BTBD10: variants seen among roughly 807,000 people sequenced by gnomAD.
BTBD10 encodes BTB/POZ domain-containing protein 10.
A neutral mutation model predicts 53.2 loss-of-function variants in BTBD10; 21 were observed. The ratio of observed to expected loss-of-function variants is 0.39; its 90% confidence interval spans 0.28 to 0.57. The LOEUF (loss-of-function observed/expected upper bound fraction) is 0.57. Ranked by LOEUF, BTBD10 falls within the 20% of genes least tolerant of loss-of-function variation. The pLI is 0.53. For missense variants in BTBD10, 360 were observed against 594.7 expected (o/e 0.61, Z 4.10); for synonymous variants, 149 against 192.7 (o/e 0.77, Z 1.88).
At chr11:13,404,991 G>A (rs956933567) in intron 7 of BTBD10, among the ~76,000 whole-genome samples, 7 of 151,996 alleles carry the variant, frequency 4.6e-5, no homozygotes, top group African/African-American at 1.7e-4. Context: ...TCAATTCCTT[G>A]AGTCATTCTT....
Position 13,446,457 on chromosome 11 carries a change from C to G in BTBD10, c.-57-1276G>C, listed in dbSNP as rs79757874. ...AACAATTTTACTATAATTTTTTTCT[C>G]ATAGTACCTTCTTTCTAAAAACAGC... On this transcript the variant is annotated intron_variant, in intron 1 of 8. Transcript: ENST00000278174. Among the ~76,000 whole-genome samples the G allele has an allele frequency of 1.3e-4, 20 of 152,138 alleles. No individual in the cohort carries two copies. In the East Asian group the frequency reaches 3.9e-3, roughly 29 times the overall value.
intron 8 of BTBD10, among the ~76,000 whole-genome samples, chr11:13,395,806 C>A (rs1347048566): frequency 6.6e-6 from 1 of 152,140 alleles, no homozygotes; most frequent in East Asian, 1.9e-4. Flanking sequence ...ATCCTTTCGC[C>A]ATTGCTTGTT....
At chr11:13,422,114 G>C (rs556292332) in intron 2 of BTBD10, among the ~76,000 whole-genome samples, 1 of 152,194 alleles carries the variant, frequency 6.6e-6, no homozygotes, top group East Asian at 1.9e-4. Flanking sequence ...AGAAGTTGTA[G>C]TAATAATAGT....
intron 1 of BTBD10, among the ~76,000 whole-genome samples, chr11:13,461,423 C>T (rs1005060865): frequency 6.6e-6 from 1 of 152,178 alleles, no homozygotes; most frequent in Non-Finnish European, 1.5e-5. Flanking sequence ...AGGCATAGTG[C>T]ATTTCCCTCA....
chr11:13,395,073 G>A (rs1427583740), intron 8 of BTBD10, among the ~76,000 whole-genome samples: 1 of 147,036 alleles, frequency 6.8e-6, no homozygotes, highest in Non-Finnish European at 1.5e-5. Flanking sequence ...CGGGATGGCT[G>A]GGTCAAATGG....
chr11:13,415,581 CT>C (rs576713693), intron 5 of BTBD10, among the ~76,000 whole-genome samples: 90 of 145,428 alleles, frequency 6.2e-4, no homozygotes, highest in Admixed American at 1.1e-3. Flanking sequence ...CCTGCCCCTT[CT>C]TTTTTTTTTT....
chr11:13,417,501 G>A (rs1448259909), intron 4 of BTBD10, among the ~76,000 whole-genome samples: 1 of 151,930 alleles, frequency 6.6e-6, no homozygotes. Flanking sequence ...ACAAAATTCA[G>A]AAGCTAAAGA....
At chr11:13,451,113 T>C (rs1325619053) in intron 1 of BTBD10, among the ~76,000 whole-genome samples, 1 of 152,066 alleles carries the variant, frequency 6.6e-6, no homozygotes, top group Non-Finnish European at 1.5e-5. Flanking sequence ...AGGCCCAAAA[T>C]CTGAGCATAA....
At chr11:13,449,917 C>T (rs1950824153) in intron 1 of BTBD10, among the ~76,000 whole-genome samples, 1 of 152,200 alleles carries the variant, frequency 6.6e-6, no homozygotes, top group Admixed American at 6.5e-5. Context: ...CCCTTCCCAG[C>T]ACTTTTACAA....
rs1161097934 is a variant in BTBD10, at chr11:13,459,067, T to A, written c.-58+4025A>T. On this transcript the variant is annotated intron_variant, in intron 1 of 8. Coordinates refer to ENST00000278174, the MANE Select transcript of BTBD10 (RefSeq NM_032320.7). The stretch of plus-strand genomic sequence containing the variant: ...ATTTTTTTATTTATTTATTTTTTTT[T>A]TTTTTTTGAGACGGAGTCTCGCTCT... Among the ~76,000 whole-genome samples the A allele has an allele frequency of 7.0e-4, 105 of 149,534 alleles. No homozygotes were observed. In the East Asian group the frequency reaches 0.013, roughly 19 times the overall value.
intron 4 of BTBD10, among the ~76,000 whole-genome samples, chr11:13,417,506 T>C (rs1431269431): frequency 5.9e-5 from 9 of 152,116 alleles, no homozygotes; most frequent in Admixed American, 6.5e-5. Flanking sequence ...ATTCAGAAGC[T>C]AAAGAGCTTT....
Position 13,388,707 on chromosome 11 carries a change from T to C in BTBD10, c.*124A>G. On this transcript the variant is annotated 3_prime_UTR_variant, in exon 9 of 9. Coordinates refer to ENST00000278174, the MANE Select transcript of BTBD10 (RefSeq NM_032320.7). Reference sequence around the variant, plus strand: ...CTTTGGTCTTTAAAAAAGCCTACACTGCAATATCCTAAACATTGTTATGTG... The same window carrying C: ...CTTTGGTCTTTAAAAAAGCCTACACCGCAATATCCTAAACATTGTTATGTG... 4 of 1,087,406 alleles carry C rather than the reference T, an allele frequency of 3.7e-6. No individual in the cohort carries two copies. Among genetic ancestry groups the C allele is most frequent in the African/African-American group, 1.6e-5 (1 of 63,870 alleles). 67.4% of individuals were successfully genotyped at this position (1,087,406 alleles called of 1,614,324 possible). A position where few individuals can be genotyped will look rare whatever the true frequency, so the allele number is the denominator to read the frequency against.
intron 6 of BTBD10, among the ~76,000 whole-genome samples, chr11:13,412,181 C>T (rs1949968737): frequency 6.6e-6 from 1 of 152,032 alleles, no homozygotes; most frequent in Non-Finnish European, 1.5e-5. Flanking sequence ...TGGCCAGGCA[C>T]AGTGGCTCAC....
At position 13,449,011 on chromosome 11, in the gene BTBD10, T is replaced by C. The variant is rs145689890; in HGVS notation, c.-57-3830A>G. On this transcript the variant is annotated intron_variant, in intron 1 of 8. Transcript: ENST00000278174. ...TCATCTGTACAGAGGCTGGAACCAC[T>C]GGGCCTGTTGGCTAGGGGCAGGCAT... 2.7e-3 allele frequency among the ~76,000 whole-genome samples: 409 copies of C among 152,250 alleles called. 3 individuals are homozygous for C. The highest frequency in any genetic ancestry group is 9.6e-3 in the African/African-American group (399 of 41,550).
At chr11:13,444,593 A>C (rs1950720458) in intron 2 of BTBD10, among the ~76,000 whole-genome samples, 1 of 152,230 alleles carries the variant, frequency 6.6e-6, no homozygotes. Flanking sequence ...GAAGGATGAC[A>C]ACACAATATA....
intron 2 of BTBD10, among the ~76,000 whole-genome samples, chr11:13,427,688 A>C (rs1950367251): frequency 6.6e-6 from 1 of 152,208 alleles, no homozygotes; most frequent in Admixed American, 6.5e-5. Context: ...TCATGTGCAC[A>C]CAGAAGAACA....
rs201369336 is a variant in BTBD10, at chr11:13,391,574, G to C, written c.1118-2433C>G. Among the ~76,000 whole-genome samples, 10 of 152,166 alleles carry C rather than the reference G, an allele frequency of 6.6e-5. 1 individual carries two copies. Among genetic ancestry groups the C allele is most frequent in the African/African-American group, 2.2e-4 (9 of 41,424 alleles). ...CTAGCATAGTACCTGATACACTGCA[G>C]GTGCTAAACAAATATTTGAACAAAG... On this transcript the variant is annotated intron_variant, in intron 8 of 8. Transcript: ENST00000278174.
chr11:13,388,518 A>G lies in BTBD10; in HGVS notation c.*313T>C. On this transcript the variant is annotated 3_prime_UTR_variant, in exon 9 of 9. Coordinates refer to ENST00000278174, the MANE Select transcript of BTBD10 (RefSeq NM_032320.7). ...TATCAGTCCAAACTGAAAGTACCCC[A>G]GCTGCCAATTTCCACCACTTCTGAA... 4.0e-6 allele frequency: 1 copy of G among 246,984 alleles called. No individual in the cohort carries two copies. Among genetic ancestry groups the G allele is most frequent in the South Asian group, 1.0e-4 (1 of 9,928 alleles). The allele number at this position is 246,984 out of a possible 1,614,324, so 15.3% of individuals were successfully genotyped here.
chr11:13,406,313 C>G (rs1383776085), intron 6 of BTBD10, among the ~76,000 whole-genome samples: 1 of 152,142 alleles, frequency 6.6e-6, no homozygotes, highest in Non-Finnish European at 1.5e-5. Context: ...AATTCCACAG[C>G]AAACTTGATA....
Sources: allele counts gnomAD v4.1 joint callset (sites outside exome capture counted in the v4.1 genomes callset), GRCh38; gene constraint gnomAD v4.1.1; transcripts MANE v1.5; gene names NCBI Gene and HGNC (gene_info 2026-07-23, HGNC 2026-07-21).